ZFHX3: variants seen among roughly 807,000 people sequenced by gnomAD.
ZFHX3 encodes zinc finger homeobox protein 3.
A neutral mutation model predicts 279.1 loss-of-function variants in ZFHX3; 42 were observed. The ratio of observed to expected loss-of-function variants is 0.15; its 90% confidence interval spans 0.12 to 0.19. The LOEUF (loss-of-function observed/expected upper bound fraction) is 0.19. Ranked by LOEUF, ZFHX3 falls within the 10% of genes least tolerant of loss-of-function variation. The pLI is 1.00. For synonymous variants in ZFHX3, 2,293 were observed against 1,957.8 expected, an observed-to-expected ratio of 1.17 and a Z score of -4.52; for missense variants, 4,981 against 4,754.0, an observed-to-expected ratio of 1.05 and a Z score of -1.40.
At chr16:73,454,330 T>C (rs2018333705) in intron 3 of ZFHX3, among the ~76,000 whole-genome samples, 1 of 152,202 alleles carries the variant, frequency 6.6e-6, no homozygotes, top group South Asian at 2.1e-4. Flanking sequence ...GGATCTCTTT[T>C]ACAGATGATA....
intron 3 of ZFHX3, among the ~76,000 whole-genome samples, chr16:73,367,922 G>A (rs1476874791): frequency 6.8e-6 from 1 of 146,852 alleles, no homozygotes. Context: ...AGGCTGGAGT[G>A]CAGTGGCATG....
At chr16:72,852,178 A>G (rs1421691712) in intron 4 of ZFHX3, among the ~76,000 whole-genome samples, 1 of 152,230 alleles carries the variant, frequency 6.6e-6, no homozygotes, top group Non-Finnish European at 1.5e-5. Context: ...TGATCTGTTG[A>G]TCAACTCTGT....
At chr16:73,026,326 T>TTGTGC (rs1377380787) in intron 1 of ZFHX3, among the ~76,000 whole-genome samples, 3 of 144,238 alleles carry the variant, frequency 2.1e-5, no homozygotes, top group Non-Finnish European at 1.5e-5. Flanking sequence ...TGAGCCGAGA[T>TTGTGC]CACACCACTG....
At chr16:73,596,415 A>C (rs932173497) in intron 2 of ZFHX3, among the ~76,000 whole-genome samples, 1 of 152,030 alleles carries the variant, frequency 6.6e-6, no homozygotes, top group African/African-American at 2.4e-5. Flanking sequence ...GTGGAGTTTC[A>C]GCCTGCTCCT....
intron 1 of ZFHX3, among the ~76,000 whole-genome samples, chr16:73,842,832 C>T (rs1398825438): frequency 6.6e-6 from 1 of 152,136 alleles, no homozygotes; most frequent in Non-Finnish European, 1.5e-5. Context: ...GCCCCCTCCC[C>T]ACCCACCGCC....
intron 3 of ZFHX3, among the ~76,000 whole-genome samples, chr16:73,440,107 C>G (rs1282434887): frequency 1.3e-5 from 2 of 152,014 alleles, no homozygotes; most frequent in African/African-American, 2.4e-5. Context: ...GAGGAATAAC[C>G]ACAGAGTATT....
chr16:72,824,703 A>G (rs1163476016), intron 5 of ZFHX3, among the ~76,000 whole-genome samples: 1 of 152,176 alleles, frequency 6.6e-6, no homozygotes, highest in Non-Finnish European at 1.5e-5. Flanking sequence ...CAAGAGTTCA[A>G]TTTTTCCCCT....
intron 2 of ZFHX3, among the ~76,000 whole-genome samples, chr16:73,577,349 T>A (rs1171845250): frequency 1.3e-5 from 2 of 152,180 alleles, no homozygotes; most frequent in Admixed American, 6.5e-5. Flanking sequence ...ACGGTCCTGG[T>A]TCTAATATTG....
At chr16:73,648,195 AT>A (rs1444409845) in intron 2 of ZFHX3, among the ~76,000 whole-genome samples, 1 of 152,232 alleles carries the variant, frequency 6.6e-6, no homozygotes, top group Non-Finnish European at 1.5e-5. Context: ...ATCTATATGG[AT>A]GCCGACTGAT....
intron 6 of ZFHX3, among the ~76,000 whole-genome samples, chr16:73,140,602 T>G (rs1220963489): frequency 1.3e-5 from 2 of 152,200 alleles, no homozygotes; most frequent in Non-Finnish European, 2.9e-5. Context: ...ACACTTGTAA[T>G]CCCAGCACTT....
intron 5 of ZFHX3, among the ~76,000 whole-genome samples, chr16:73,173,473 C>A (rs1567409694): frequency 6.6e-6 from 1 of 151,388 alleles, no homozygotes; most frequent in Non-Finnish European, 1.5e-5. Context: ...CTGCTTGTGC[C>A]TGAACGTGAT....
intron 1 of ZFHX3, among the ~76,000 whole-genome samples, chr16:73,811,998 G>A (rs117962423): frequency 6.6e-6 from 1 of 152,138 alleles, no homozygotes; most frequent in African/African-American, 2.4e-5. Flanking sequence ...TTGTGGATAA[G>A]AAAACAGAGG....
At chr16:72,925,452 G>C (rs751939180) in intron 3 of ZFHX3, among the ~76,000 whole-genome samples, 2 of 152,250 alleles carry the variant, frequency 1.3e-5, no homozygotes, top group Non-Finnish European at 2.9e-5. Flanking sequence ...AATTTCAGGA[G>C]GTACAGGCAT....
intron 3 of ZFHX3, among the ~76,000 whole-genome samples, chr16:73,339,111 T>C (rs986899962): frequency 2.6e-5 from 4 of 152,194 alleles, no homozygotes; most frequent in African/African-American, 9.7e-5. Flanking sequence ...TCTCAGGTAT[T>C]TCTTTATAGC....
At chr16:73,104,235 AT>A in intron 7 of ZFHX3, among the ~76,000 whole-genome samples, 2 of 150,048 alleles carry the variant, frequency 1.3e-5, no homozygotes, top group African/African-American at 4.9e-5. Context: ...TTATTTATTT[AT>A]TTTATTTTTT....
At chr16:72,883,298 A>G (rs2038542482) in intron 4 of ZFHX3, among the ~76,000 whole-genome samples, 1 of 152,194 alleles carries the variant, frequency 6.6e-6, no homozygotes, top group African/African-American at 2.4e-5. Flanking sequence ...AGAATCACAG[A>G]GTAATCAAAC....
chr16:72,973,933 C>G (rs777529921), intron 1 of ZFHX3: 16 of 152,102 alleles, frequency 1.1e-4, no homozygotes, highest in Non-Finnish European at 2.1e-4. Context: ...CAAGTGAACC[C>G]CTGGGTTCCC....
rs2143303765 is a variant in ZFHX3, at chr16:72,788,489, C to G, written c.9787G>C (p.Glu3263Gln). 1 of 1,614,222 alleles carries G rather than the reference C, an allele frequency of 6.2e-7. No homozygotes were observed. The highest frequency in any genetic ancestry group is 8.5e-7 in the Non-Finnish European group (1 of 1,180,046). The change falls in exon 10 of 10, where the codon GAG (glutamate) becomes CAG (glutamine). Residue 3263 changes from glutamate (E) to glutamine (Q), a missense_variant. By Grantham distance (29) the Glu-to-Gln change is conservative. Transcript: ENST00000268489. ...GTGGCTGCAGTTGCCGTGGGGGCCT[C>G]TCCTTTCTCCTTCTTGGGGACAGGC... ...PLPVPKKEKG[E>Q]APTATAATIS...
intron 1 of ZFHX3, among the ~76,000 whole-genome samples, chr16:73,835,338 G>A (rs750785062): frequency 5.3e-5 from 8 of 151,806 alleles, no homozygotes; most frequent in Non-Finnish European, 1.2e-4. Flanking sequence ...ATACCCTCCA[G>A]GTAGTCAAGA....
Sources: allele counts gnomAD v4.1 joint callset (sites outside exome capture counted in the v4.1 genomes callset), GRCh38; gene constraint gnomAD v4.1.1; transcripts MANE v1.5; gene names NCBI Gene and HGNC (gene_info 2026-07-23, HGNC 2026-07-21).